TUBGCP3: variants seen among roughly 807,000 people sequenced by gnomAD.
TUBGCP3 encodes tubulin gamma complex component 3, also known as gamma-tubulin complex component 3.
TUBGCP3 carries 50 observed loss-of-function variants against 123.1 expected under a neutral mutation model. The ratio of observed to expected loss-of-function variants is 0.41; its 90% CI spans 0.32 to 0.51. The LOEUF (loss-of-function observed/expected upper bound fraction) is 0.51, where lower values mean the gene tolerates loss of function less well. TUBGCP3 is among the 20% of genes least tolerant of loss of function. The pLI, the probability that TUBGCP3 is intolerant of heterozygous loss-of-function variation, is 0.36. For missense variants in TUBGCP3, 882 were observed against 1,127.0 expected (o/e 0.78, Z 3.11); for synonymous variants, 405 against 413.9 (o/e 0.98, Z 0.26).
rs1484863660 is a variant in TUBGCP3 at position 112,558,221 on chromosome 13, G to A, written c.523C>T (p.Pro175Ser). Reference protein sequence around the residue: ...IGLCALSGPAPAPQSLLPGQS... With the variant: ...IGLCALSGPASAPQSLLPGQS... ...CCTGGGAGGAGAGATTGTGGCGCAG[G>A]CGCGGGGCCACTGAGGGCACACAGG... The change falls in exon 5 of 22, where the codon CCT becomes TCT. Residue 175 changes from proline (P) to serine (S), a missense_variant. Pro to Ser is a moderately conservative substitution (Grantham distance 74). Transcript: ENST00000261965. The A allele has an allele frequency of 1.2e-6, 2 of 1,611,724 alleles. No individual in the cohort carries two copies. The highest frequency in any genetic ancestry group is 2.2e-4 in the Middle Eastern group (1 of 4,510).
At chr13:112,571,728 T>C (rs1478268002) in intron 1 of TUBGCP3, among the ~76,000 whole-genome samples, 1 of 152,244 alleles carries the variant, frequency 6.6e-6, no homozygotes, top group Non-Finnish European at 1.5e-5. Context: ...TCACTTACAC[T>C]GAAAATCTGT....
chr13:112,570,623 G>A (rs942176332), intron 1 of TUBGCP3, among the ~76,000 whole-genome samples: 18 of 152,176 alleles, frequency 1.2e-4, no homozygotes, highest in African/African-American at 4.1e-4. Context: ...TGATGTTGAC[G>A]ACTACTGACT....
intron 11 of TUBGCP3, among the ~76,000 whole-genome samples, chr13:112,541,308 G>A (rs9550136): frequency 0.15 from 22,184 of 152,162 alleles, 1,931 homozygotes; most frequent in Non-Finnish European, 0.2. Context: ...TTGGGAGGCC[G>A]AGGCGGGTGG....
At chr13:112,559,699 A>C (rs1222521416) in intron 3 of TUBGCP3, among the ~76,000 whole-genome samples, 1 of 152,250 alleles carries the variant, frequency 6.6e-6, no homozygotes, top group Non-Finnish European at 1.5e-5. Context: ...GTCTCCCCTG[A>C]AATAATTCTT....
Position 112,547,680 on chromosome 13 carries a change from A to G in TUBGCP3, c.1108T>C (p.Trp370Arg). The G allele has an allele frequency of 6.3e-7, 1 of 1,587,878 alleles. No homozygotes were observed. The highest frequency in any genetic ancestry group is 8.6e-7 in the Non-Finnish European group (1 of 1,164,618). The change falls in exon 10 of 22, where the codon TGG becomes CGG. Residue 370 changes from tryptophan (W) to arginine (R), a missense_variant. Trp to Arg is a moderately radical substitution (Grantham distance 101, BLOSUM62 -3). This residue lies in a region of TUBGCP3 where 713 missense variants were observed against 874.0 expected (regional missense o/e 0.82). Transcript: ENST00000261965. ...SSLTLRRLLV[W>R]TYDPKIRLKT... ...AGTCGTATTTTGGGATCATAGGTCC[A>G]AACCAGGAGGCGCCGAAGTGTTAAA...
intron 19 of TUBGCP3, among the ~76,000 whole-genome samples, chr13:112,502,094 C>G (rs1880945456): frequency 1.3e-5 from 2 of 152,214 alleles, no homozygotes. Context: ...GTAAACACCT[C>G]TGTAAAACAC....
chr13:112,495,238 T>C (rs1456918453), intron 20 of TUBGCP3, among the ~76,000 whole-genome samples: 1 of 152,242 alleles, frequency 6.6e-6, no homozygotes. Context: ...TTGATTTTTG[T>C]ACATGGCAAG....
intron 13 of TUBGCP3, 22 bp from the exon 14 acceptor site, chr13:112,522,531 A>C (rs755197064): frequency 6.3e-7 from 1 of 1,599,360 alleles, no homozygotes; most frequent in South Asian, 1.1e-5. Flanking sequence ...AACAGGGAAG[A>C]GCACACATGC....
At chr13:112,497,967 A>C (rs1444725244) in intron 20 of TUBGCP3, among the ~76,000 whole-genome samples, 1 of 152,218 alleles carries the variant, frequency 6.6e-6, no homozygotes. Context: ...AAACAGCCAA[A>C]CTTGCTTAAT....
chr13:112,588,107 G>T lies in TUBGCP3; in HGVS notation c.-127C>A. 1.2e-6 allele frequency: 1 copy of T among 803,824 alleles called. No individual in the cohort carries two copies. The allele number at this position is 803,824 out of a possible 1,614,324, so 49.8% of individuals were successfully genotyped here. ...GCTCCTGACAGGCTAAGGCGCGGGC[G>T]CCGCCGGCCACCAGGGCGCCATTTT... On this transcript the variant is annotated 5_prime_UTR_variant, in exon 1 of 22. Transcript: ENST00000261965.
At chr13:112,569,423 GA>G (rs1327507870) in intron 1 of TUBGCP3, among the ~76,000 whole-genome samples, 164 bp from the exon 2 acceptor site, 2 of 152,144 alleles carry the variant, frequency 1.3e-5, no homozygotes, top group African/African-American at 2.4e-5. Flanking sequence ...AAAACAGAAT[GA>G]ATGAATGAAA....
chr13:112,499,251 G>GA, intron 19 of TUBGCP3, 66 bp from the exon 20 acceptor site: 1 of 1,511,306 alleles, frequency 6.6e-7, no homozygotes, highest in Non-Finnish European at 8.9e-7. Context: ...ACAAAACATT[G>GA]ATATTTAGTG....
At chr13:112,546,926 T>C (rs1879049599) in intron 10 of TUBGCP3, 1 of 152,456 alleles carries the variant, frequency 6.6e-6, no homozygotes, top group Non-Finnish European at 1.5e-5. Flanking sequence ...AAGGGAACTC[T>C]TGTGTGGCAG....
chr13:112,518,331 T>C (rs1369115223), intron 16 of TUBGCP3, among the ~76,000 whole-genome samples: 1 of 152,198 alleles, frequency 6.6e-6, no homozygotes, highest in Non-Finnish European at 1.5e-5. Flanking sequence ...CTTTTCCCAA[T>C]ACCTCAAAGA....
intron 1 of TUBGCP3, among the ~76,000 whole-genome samples, chr13:112,571,840 T>C (rs2139286345): frequency 6.6e-6 from 1 of 152,368 alleles, no homozygotes; most frequent in South Asian, 2.1e-4. Flanking sequence ...TTTTATGTTA[T>C]GGAGACAGCT....
chr13:112,497,236 G>A (rs1009405025), intron 20 of TUBGCP3, among the ~76,000 whole-genome samples: 6 of 152,136 alleles, frequency 3.9e-5, no homozygotes, highest in African/African-American at 7.2e-5. Flanking sequence ...ACCCAAAGGC[G>A]CAAAGCCAGT....
rs907914558 is a variant in TUBGCP3, at chr13:112,485,491, T to TA, written c.*501dup. The stretch of plus-strand genomic sequence containing the variant: ...CACAGAGGTTAATATTTTACAACAC[T>TA]AAAAAAAAATAAAATGCTCTATATA... On this transcript the variant is annotated 3_prime_UTR_variant, in exon 22 of 22. Transcript: ENST00000261965. 7.9e-5 allele frequency: 12 copies of TA among 151,664 alleles called. No individual in the cohort carries two copies. Among genetic ancestry groups the TA allele is most frequent in the Admixed American group, 2.6e-4 (4 of 15,170 alleles). 9.4% of individuals were successfully genotyped at this position (151,664 alleles called of 1,614,324 possible). A position where few individuals can be genotyped will look rare whatever the true frequency, so the allele number is the denominator to read the frequency against.
chr13:112,548,037 AC>A (rs1274349414), intron 9 of TUBGCP3, 70 bp downstream of exon 9: 1 of 1,222,208 alleles, frequency 8.2e-7, no homozygotes, highest in African/African-American at 1.5e-5. Flanking sequence ...GGAACTTAAA[AC>A]ATTCTATATA....
upstream of TUBGCP3, among the ~76,000 whole-genome samples, chr13:112,590,876 T>C (rs1369570993): frequency 6.6e-6 from 1 of 152,202 alleles, no homozygotes; most frequent in Non-Finnish European, 1.5e-5. Flanking sequence ...TCACCTAAGA[T>C]CAGCCCTTAT....
Sources: gnomAD v4.1 joint callset for allele counts (sites outside exome capture counted in the v4.1 genomes callset) on GRCh38, gnomAD v4.1.1 for gene constraint, gnomAD v4.1.1 regional missense constraint, MANE v1.5 for transcripts, NCBI Gene and HGNC (gene_info 2026-07-23, HGNC 2026-07-21) for gene names.